GABRG3: variants seen among roughly 807,000 people sequenced by gnomAD.
GABRG3 encodes the protein gamma-aminobutyric acid type A receptor subunit gamma3.
A neutral mutation model predicts 48.8 loss-of-function variants in GABRG3; 25 were observed. The ratio of observed to expected loss-of-function variants is 0.51; its 90% CI spans 0.37 to 0.72. GABRG3 has a LOEUF of 0.72. GABRG3 is among the 30% of genes least tolerant of loss of function. GABRG3 has a pLI of 0.00. For synonymous variants in GABRG3, 227 were observed against 217.6 expected (o/e 1.04, Z -0.38); for missense variants, 394 against 577.9 (o/e 0.68, Z 3.26).
rs372785430 is a variant in GABRG3, at chr15:27,074,172, A to G, written c.270+47351A>G. ...ATTGAGGAAACCGCCCCCATGGTTC[A>G]ATTATCTGCCACTGGGTCCCTCCCA... On this transcript the variant is annotated intron_variant, in intron 3 of 9. Transcript: ENST00000615808. Among the ~76,000 whole-genome samples, 34 of 152,208 alleles carry G rather than the reference A, an allele frequency of 2.2e-4. 1 individual carries two copies. The highest frequency in any genetic ancestry group is 7.9e-4 in the African/African-American group (33 of 41,548).
intron 3 of GABRG3, among the ~76,000 whole-genome samples, chr15:27,265,188 A>G (rs550041439): frequency 3.6e-4 from 55 of 152,182 alleles, no homozygotes; most frequent in African/African-American, 1.3e-3. Context: ...CTAATTGCCA[A>G]TCTCACCAAT....
chr15:27,073,393 T>C (rs1864795), intron 3 of GABRG3, among the ~76,000 whole-genome samples: 31,312 of 152,258 alleles, frequency 0.21, 3,366 homozygotes, highest in Middle Eastern at 0.27. Flanking sequence ...ATGTGCCATT[T>C]GCTTCTGCTT....
chr15:27,406,989 A>G (rs1458041934), intron 5 of GABRG3, among the ~76,000 whole-genome samples: 1 of 152,042 alleles, frequency 6.6e-6, no homozygotes, highest in Non-Finnish European at 1.5e-5. Context: ...GTGCAGTGGC[A>G]CAATCTCAGC....
chr15:26,976,973 T>C lies in GABRG3; in HGVS notation c.54-29T>C, dbSNP rs2140634287. The C allele has an allele frequency of 8.1e-6, 13 of 1,613,618 alleles. No homozygotes were observed. Among genetic ancestry groups the C allele is most frequent in the South Asian group, 2.2e-5 (2 of 91,050 alleles). ...TTCCTAGAGCCATTGCTGCCACTTA[T>C]ATGTCGCATTTTTGTGCTGTAACTC... On this transcript the variant is annotated intron_variant, in intron 1 of 9. Coordinates refer to ENST00000615808, the MANE Select transcript of GABRG3 (RefSeq NM_033223.5). The surrounding 1 kb of genome is among the most constrained non-coding windows in gnomAD (Gnocchi z 7.8).
At chr15:27,017,090 A>G (rs1417571976) in intron 2 of GABRG3, among the ~76,000 whole-genome samples, 3 of 152,108 alleles carry the variant, frequency 2.0e-5, no homozygotes, top group Non-Finnish European at 4.4e-5. Context: ...TAATTCATAT[A>G]TTCCCATGCC....
intron 7 of GABRG3, among the ~76,000 whole-genome samples, chr15:27,521,715 T>C: frequency 6.6e-6 from 1 of 152,026 alleles, no homozygotes. Context: ...ATATCTTGAT[T>C]GAAAAATTCA....
Position 27,271,611 on chromosome 15 carries a change from C to G in GABRG3, c.271-55198C>G, listed in dbSNP as rs1171042634. 1.5e-5 allele frequency: 7 copies of G among 455,784 alleles called. No individual in the cohort carries two copies. The East Asian group carries it at 4.9e-4, about 32-fold the overall frequency. 28.2% of individuals were successfully genotyped at this position (455,784 alleles called of 1,614,324 possible). A position where few individuals can be genotyped will look rare whatever the true frequency, so the allele number is the denominator to read the frequency against. ...CAACCTAGAGTCAGTCAGTCAGTCA[C>G]AAACATGGCAGGAAAATAAGCTGTC... On this transcript the variant is annotated intron_variant, in intron 3 of 9. Coordinates refer to ENST00000615808, the MANE Select transcript of GABRG3 (RefSeq NM_033223.5).
At chr15:27,144,230 T>TCA (rs1232243257) in intron 3 of GABRG3, among the ~76,000 whole-genome samples, 3,488 of 152,282 alleles carry the variant, frequency 0.023, 156 homozygotes, top group African/African-American at 0.081. Flanking sequence ...CTGTGTGGCA[T>TCA]CTTAACTTGC....
At chr15:27,131,710 G>A (rs1159431451) in intron 3 of GABRG3, among the ~76,000 whole-genome samples, 2 of 151,432 alleles carry the variant, frequency 1.3e-5, no homozygotes, top group Admixed American at 6.6e-5. Flanking sequence ...TTATTTTTTT[G>A]AGGAACAGCC....
chr15:27,459,674 A>G (rs1261561081), intron 5 of GABRG3, among the ~76,000 whole-genome samples: 1 of 152,236 alleles, frequency 6.6e-6, no homozygotes, highest in African/African-American at 2.4e-5. Context: ...TATAATTAGC[A>G]TAGTGAAACT....
chr15:27,485,205 G>A lies in GABRG3; in HGVS notation c.712+4418G>A, dbSNP rs182262310. Among the ~76,000 whole-genome samples, 112 of 152,286 alleles carry A rather than the reference G, an allele frequency of 7.4e-4. 1 individual carries two copies. The highest frequency in any genetic ancestry group is 2.5e-3 in the African/African-American group (104 of 41,550). ...GATGCGATGAAAATCCACCTTACGA[G>A]TCTGGCAAGAAGGTGGCTATGGAAA... On this transcript the variant is annotated intron_variant, in intron 6 of 9. Transcript: ENST00000615808.
intron 3 of GABRG3, among the ~76,000 whole-genome samples, chr15:27,110,735 G>A (rs1279573120): frequency 2.0e-5 from 3 of 151,978 alleles, no homozygotes; most frequent in African/African-American, 7.3e-5. Context: ...TTTCTGATGA[G>A]ACATCCACTG....
At chr15:27,223,256 A>G (rs564997409) in intron 3 of GABRG3, among the ~76,000 whole-genome samples, 1 of 152,280 alleles carries the variant, frequency 6.6e-6, no homozygotes, top group South Asian at 2.1e-4. Context: ...TATTTTTTCT[A>G]CTGAAATAAT....
intron 3 of GABRG3, among the ~76,000 whole-genome samples, chr15:27,080,135 C>T (rs1388949817): frequency 6.6e-6 from 1 of 152,092 alleles, no homozygotes; most frequent in East Asian, 1.9e-4. Context: ...ATTTCTGTAG[C>T]AAGGGGCCAT....
At chr15:27,065,380 A>G (rs1473407248) in intron 3 of GABRG3, among the ~76,000 whole-genome samples, 3 of 152,196 alleles carry the variant, frequency 2.0e-5, no homozygotes, top group South Asian at 2.1e-4. Flanking sequence ...AGGCTGTTAC[A>G]TTATTATTGC....
At chr15:27,166,246 G>C (rs1887365857) in intron 3 of GABRG3, among the ~76,000 whole-genome samples, 1 of 152,100 alleles carries the variant, frequency 6.6e-6, no homozygotes, top group Non-Finnish European at 1.5e-5. Flanking sequence ...GAGGGGAAAA[G>C]TACAAAAAGA....
chr15:27,284,445 A>T (rs1891541606), intron 3 of GABRG3, among the ~76,000 whole-genome samples: 1 of 152,218 alleles, frequency 6.6e-6, no homozygotes, highest in South Asian at 2.1e-4. Context: ...TAAAAGTATC[A>T]TCTATATACG....
At chr15:27,341,392 T>C (rs749679947) in intron 5 of GABRG3, among the ~76,000 whole-genome samples, 1 of 152,156 alleles carries the variant, frequency 6.6e-6, no homozygotes, top group Non-Finnish European at 1.5e-5. Flanking sequence ...AAAACTTTTA[T>C]AAACTTTAAA....
chr15:27,381,138 C>T (rs80309541), intron 5 of GABRG3, among the ~76,000 whole-genome samples: 7,945 of 152,182 alleles, frequency 0.052, 261 homozygotes, highest in Middle Eastern at 0.13. Context: ...ATAAACAATT[C>T]TCCATTGTTG....
Sources: gnomAD v4.1 joint callset for allele counts (sites outside exome capture counted in the v4.1 genomes callset) on GRCh38, gnomAD v4.1.1 for gene constraint, Gnocchi (gnomAD v3.1) non-coding constraint, MANE v1.5 for transcripts, NCBI Gene and HGNC (gene_info 2026-07-23, HGNC 2026-07-21) for gene names.